Variants in LAMA1 observed in about 807,000 individuals in gnomAD.
LAMA1 encodes the protein laminin subunit alpha-1.
In LAMA1, 219 loss-of-function variants were observed where a neutral mutation model predicts 348.7. The ratio of observed to expected loss-of-function variants is 0.63; its 90% CI spans 0.56 to 0.70. The LOEUF (loss-of-function observed/expected upper bound fraction) is 0.70, where lower values mean the gene tolerates loss of function less well. Among genes scored for constraint, LAMA1 ranks in the 30% least tolerant of loss-of-function variants. The probability of loss-of-function intolerance (pLI) is 0.00; values close to 1 mark genes in which losing one functional copy is unlikely to be tolerated. For synonymous variants in LAMA1, 1,487 were observed against 1,491.0 expected (o/e 1.00, Z 0.06); for missense variants, 3,744 against 3,888.0 (o/e 0.96, Z 0.99).
intron 1 of LAMA1, among the ~76,000 whole-genome samples, chr18:7,093,176 G>T (rs1488978649): frequency 6.6e-6 from 1 of 152,164 alleles, no homozygotes; most frequent in Admixed American, 6.5e-5. Context: ...CAGCACTTTG[G>T]GAGGCCGAGG....
intron 4 of LAMA1, among the ~76,000 whole-genome samples, chr18:7,049,581 G>A (rs2058054987): frequency 6.6e-6 from 1 of 152,204 alleles, no homozygotes; most frequent in Non-Finnish European, 1.5e-5. Context: ...TTATAGGCAT[G>A]AGCCACCATA....
chr18:7,034,498 C>G lies in LAMA1; in HGVS notation c.2032G>C (p.Ala678Pro), dbSNP rs1275856775. The G allele has an allele frequency of 6.2e-7, 1 of 1,613,858 alleles. No homozygotes were observed. The highest frequency in any genetic ancestry group is 1.3e-5 in the African/African-American group (1 of 74,874). Reference protein sequence around the residue: ...HLLIRANYNSAKMALYRLESV... With the variant: ...HLLIRANYNSPKMALYRLESV... ...ACATACCTGTAAAGAGCCATTTTTG[C>G]AGAATTGTAGTTGGCTCTGATCAAA... Residue 678 changes from alanine to proline, a missense_variant, in exon 14 of 63, where the codon GCA (alanine) becomes CCA (proline). Transcript: ENST00000389658.
At chr18:7,004,084 A>T (rs1427247409) in intron 29 of LAMA1, among the ~76,000 whole-genome samples, 1 of 152,172 alleles carries the variant, frequency 6.6e-6, no homozygotes, top group African/African-American at 2.4e-5. Flanking sequence ...CTGACTTACG[A>T]CAGACTGTGG....
In LAMA1 at chr18:6,958,540, G is replaced by A. The variant is rs562948482; in HGVS notation, c.7901C>T (p.Thr2634Met). ...CGATCTTCTCATTGTGAGCAGTGAC[G>A]TCCCCTCTCCCTCTGGAATTCCCCC... Reference protein sequence around the residue: ...YVGGIPEGEGTSLLTMRRSFH... With the variant: ...YVGGIPEGEGMSLLTMRRSFH... Residue 2634 changes from threonine (T) to methionine (M), a missense_variant, in exon 55 of 63, where the codon ACG (threonine) becomes ATG (methionine). Thr to Met is a moderately conservative substitution (Grantham distance 81). This residue lies in a region of LAMA1 where 1,983 missense variants were observed against 1,934.3 expected (regional missense o/e 1.03). Transcript: ENST00000389658. 86 of 1,614,128 alleles carry A rather than the reference G, an allele frequency of 5.3e-5. No individual in the cohort carries two copies. Among genetic ancestry groups the A allele is most frequent in the South Asian group, 3.2e-4 (29 of 91,082 alleles).
chr18:6,971,688 T>C (rs181305573), intron 48 of LAMA1, among the ~76,000 whole-genome samples, 169 bp downstream of exon 48: 1 of 152,276 alleles, frequency 6.6e-6, no homozygotes, highest in East Asian at 1.9e-4. Context: ...AGGATTTTTT[T>C]TTGACAATAA....
rs112288817 is a variant in LAMA1, at chr18:7,088,788, C to T, written c.62-8331G>A. 6.8e-3 allele frequency among the ~76,000 whole-genome samples: 1,042 copies of T among 152,238 alleles called. 17 individuals are homozygous for T. The highest frequency in any genetic ancestry group is 0.024 in the African/African-American group (981 of 41,552). On this transcript the variant is annotated intron_variant, in intron 1 of 62. Transcript: ENST00000389658. ...CCTTCCATCTCAGCCTCCCAAACTG[C>T]TGAGATTACAGGCGTGAGCCACAGT...
chr18:6,970,833 G>A (rs988348948), intron 48 of LAMA1, among the ~76,000 whole-genome samples: 1 of 152,020 alleles, frequency 6.6e-6, no homozygotes, highest in Non-Finnish European at 1.5e-5. Flanking sequence ...GGCTGGTATC[G>A]AACTCCTAAC....
chr18:6,991,872 G>T (rs2057760400), intron 36 of LAMA1, among the ~76,000 whole-genome samples: 1 of 152,198 alleles, frequency 6.6e-6, no homozygotes, highest in Non-Finnish European at 1.5e-5. Flanking sequence ...TATCTCACAT[G>T]ACTATATCAT....
At chr18:7,030,620 C>G (rs1344646393) in intron 16 of LAMA1, among the ~76,000 whole-genome samples, 2 of 152,040 alleles carry the variant, frequency 1.3e-5, no homozygotes, top group Admixed American at 1.3e-4. Context: ...TTTCATAGCT[C>G]TTCTGTAAGT....
chr18:7,083,841 C>A (rs1465953450), intron 1 of LAMA1, among the ~76,000 whole-genome samples: 1 of 151,910 alleles, frequency 6.6e-6, no homozygotes, highest in Non-Finnish European at 1.5e-5. Context: ...GAGGCCGAGG[C>A]GGGCGGATCA....
At position 7,013,998 on chromosome 18, in the gene LAMA1, G is replaced by A. The variant is rs34712919; in HGVS notation, c.3180C>T (p.Thr1060=). ...GSTHHRCDVV[T]GHCQCKSKFG... is the part of the protein sequence containing the mutation. ...ATTTTGACTTGCACTGGCAATGGCC[G>A]GTGACCACATCGCACCGATGATGAG... The change falls in exon 23 of 63, where the codon ACC becomes ACT. Residue 1060 remains threonine, a synonymous_variant. Transcript: ENST00000389658. The A allele has an allele frequency of 3.9e-3, 6,217 of 1,613,832 alleles. 69 individuals are homozygous for A. The African/African-American group carries it at 0.041, about 11-fold the overall frequency.
intron 39 of LAMA1, 103 bp from the exon 40 acceptor site, chr18:6,983,337 C>T: frequency 8.8e-7 from 1 of 1,138,990 alleles, no homozygotes; most frequent in Non-Finnish European, 1.3e-6. Flanking sequence ...AGCCTCCTAT[C>T]TTCTTTCCCC....
rs1316689467 is a variant in LAMA1 at position 7,007,281 on chromosome 18, G to A, written c.4123-5C>T. ...GTGGTACCCAGGGGCGCAGTCCTGA[G>A]GGGGTGCAAAAGGGAGGACAAAAAA... is the stretch of plus-strand genomic sequence containing the variant. On this transcript the variant is annotated splice_region_variant and splice_polypyrimidine_tract_variant and intron_variant, in intron 28 of 62. Transcript: ENST00000389658. 3 of 1,612,920 alleles carry A rather than the reference G, an allele frequency of 1.9e-6. No individual in the cohort carries two copies. The highest frequency in any genetic ancestry group is 2.5e-6 in the Non-Finnish European group (3 of 1,179,336).
intron 11 of LAMA1, 119 bp from the exon 12 acceptor site, chr18:7,037,870 C>T: frequency 3.2e-6 from 3 of 941,906 alleles, no homozygotes; most frequent in Non-Finnish European, 4.9e-6. Flanking sequence ...CTAGGGATGG[C>T]ATTAACATAA....
intron 36 of LAMA1, among the ~76,000 whole-genome samples, chr18:6,991,526 G>A (rs57887577): frequency 6.6e-6 from 1 of 151,758 alleles, no homozygotes; most frequent in African/African-American, 2.4e-5. Context: ...GAGTAGCTGA[G>A]ATTACAGGCA....
At chr18:6,967,972 C>T (rs973365872) in intron 48 of LAMA1, among the ~76,000 whole-genome samples, 1 of 152,108 alleles carries the variant, frequency 6.6e-6, no homozygotes, top group Non-Finnish European at 1.5e-5. Flanking sequence ...TGAACATGAC[C>T]GAAGGCTTGT....
At chr18:7,110,009 C>A (rs1222436837) in intron 1 of LAMA1, among the ~76,000 whole-genome samples, 1 of 152,114 alleles carries the variant, frequency 6.6e-6, no homozygotes. Flanking sequence ...TGATAAAACC[C>A]TGTTTCTACT....
In LAMA1 at chr18:6,956,677, C is replaced by T; in HGVS notation, c.8053G>A (p.Ala2685Thr). 1.2e-6 allele frequency: 2 copies of T among 1,614,202 alleles called. No individual in the cohort carries two copies. ...LSERPKLAPD[A>T]EDSKLLPEPR... is the part of the protein sequence containing the mutation. ...TCTGGCAAGAGCTTGCTGTCCTCTG[C>T]ATCGGGAGCCAGCTTAGGCCTTTCT... The change falls in exon 56 of 63, where the codon GCA becomes ACA. Residue 2685 changes from alanine to threonine, a missense_variant. Around this residue, in one of 3 missense-constraint regions of LAMA1, gnomAD observed 1,983 missense variants for 1,934.3 expected, o/e 1.03. Coordinates refer to ENST00000389658, the MANE Select transcript of LAMA1 (RefSeq NM_005559.4).
intron 7 of LAMA1, among the ~76,000 whole-genome samples, 183 bp from the exon 8 acceptor site, chr18:7,043,588 A>C (rs2058029552): frequency 6.6e-6 from 1 of 152,206 alleles, no homozygotes; most frequent in Non-Finnish European, 1.5e-5. Context: ...ATATCAAAAT[A>C]ATAAATGCAC....
Sources: gnomAD v4.1 joint callset for allele counts (sites outside exome capture counted in the v4.1 genomes callset) on GRCh38, gnomAD v4.1.1 for gene constraint, gnomAD v4.1.1 regional missense constraint, MANE v1.5 for transcripts, NCBI Gene and HGNC (gene_info 2026-07-23, HGNC 2026-07-21) for gene names.